The following TMEM167A variants were observed in gnomAD, a reference collection of about 807,000 sequenced individuals.
TMEM167A encodes the protein transmembrane protein 167A.
In TMEM167A, 8 loss-of-function variants were observed where a neutral mutation model predicts 11.6. The ratio of observed to expected loss-of-function variants is 0.69; its 90% CI spans 0.40 to 1.24. The LOEUF is 1.24. TMEM167A is among the 50% of genes most tolerant of loss of function. TMEM167A has a pLI of 0.01. For synonymous variants in TMEM167A, 22 were observed against 28.0 expected (o/e 0.79, Z 0.67); for missense variants, 62 against 87.0 (o/e 0.71, Z 1.14).
At chr5:83,074,933 G>A (rs981915032) in intron 1 of TMEM167A, among the ~76,000 whole-genome samples, 5 of 152,104 alleles carry the variant, frequency 3.3e-5, no homozygotes, top group Non-Finnish European at 7.4e-5. Flanking sequence ...ACCACGCCCG[G>A]CTAATTTTTT....
chr5:83,067,174 T>G (rs1288902930), intron 1 of TMEM167A, among the ~76,000 whole-genome samples: 1 of 152,054 alleles, frequency 6.6e-6, no homozygotes, highest in Non-Finnish European at 1.5e-5. Flanking sequence ...CAACAAGTTA[T>G]CTTTTAAACA....
chr5:83,061,940 A>T (rs1451618205), intron 2 of TMEM167A, 29 bp from the exon 3 acceptor site: 2 of 1,584,176 alleles, frequency 1.3e-6, no homozygotes, highest in Non-Finnish European at 1.7e-6. Flanking sequence ...GAAAAAAAGT[A>T]GCTATTGATT....
intron 3 of TMEM167A, among the ~76,000 whole-genome samples, chr5:83,060,786 G>A (rs1176148701): frequency 1.3e-5 from 2 of 150,828 alleles, no homozygotes; most frequent in Admixed American, 6.6e-5. Flanking sequence ...AGCGGAGATC[G>A]TGCCACTGCA....
At chr5:83,062,515 A>AT (rs1744420780) in intron 2 of TMEM167A, among the ~76,000 whole-genome samples, 1 of 152,122 alleles carries the variant, frequency 6.6e-6, no homozygotes, top group African/African-American at 2.4e-5. Flanking sequence ...TAAATATGGC[A>AT]TTTAAAGCAC....
At chr5:83,077,223 G>A in intron 1 of TMEM167A, 98 bp downstream of exon 1, 1 of 1,573,752 alleles carries the variant, frequency 6.4e-7, no homozygotes, top group Non-Finnish European at 8.7e-7. Flanking sequence ...TCAGCTCCGG[G>A]CCCACACACC....
intron 1 of TMEM167A, among the ~76,000 whole-genome samples, chr5:83,066,908 C>A (rs1441848489): frequency 6.6e-6 from 1 of 152,150 alleles, no homozygotes; most frequent in Non-Finnish European, 1.5e-5. Context: ...CTCCTTTTCA[C>A]CAGGTCTGTT....
chr5:83,065,181 G>C, intron 1 of TMEM167A, 64 bp from the exon 2 acceptor site: 1 of 1,014,640 alleles, frequency 9.9e-7, no homozygotes, highest in East Asian at 2.5e-5. Context: ...AAAAATGTTT[G>C]ACAATTCCAC....
Position 83,056,778 on chromosome 5 carries a change from T to G in TMEM167A, c.*306A>C. ...ACTTGAGTAATTAACCAATTTTGTT[T>G]TCTACTATGTGCCTTAGAGATACCT... On this transcript the variant is annotated 3_prime_UTR_variant, in exon 4 of 4. Coordinates refer to ENST00000502346, the MANE Select transcript of TMEM167A (RefSeq NM_174909.5). 1 of 321,118 alleles carries G rather than the reference T, an allele frequency of 3.1e-6. No individual in the cohort carries two copies. Among genetic ancestry groups the G allele is most frequent in the Non-Finnish European group, 5.7e-6 (1 of 174,828 alleles). The allele number at this position is 321,118 out of a possible 1,614,324, so 19.9% of individuals were successfully genotyped here.
rs1744280711 is a variant in TMEM167A, at chr5:83,053,019, T to C, written c.*4065A>G. 1.3e-5 allele frequency: 2 copies of C among 151,944 alleles called. No homozygotes were observed. Among genetic ancestry groups the C allele is most frequent in the South Asian group, 4.1e-4 (2 of 4,822 alleles). 9.4% of individuals were successfully genotyped at this position (151,944 alleles called of 1,614,324 possible). ...AGATTAGCTTAGGGCAAAGTAAAAGTCATGGAAGGCAGTGTATAAATAACA... is the reference window on the plus strand; with the variant it reads ...AGATTAGCTTAGGGCAAAGTAAAAGCCATGGAAGGCAGTGTATAAATAACA... On this transcript the variant is annotated 3_prime_UTR_variant, in exon 4 of 4. Transcript: ENST00000502346.
intron 1 of TMEM167A, 144 bp downstream of exon 1, chr5:83,077,177 G>C (rs192179987): frequency 1.7e-6 from 2 of 1,171,144 alleles, no homozygotes; most frequent in African/African-American, 3.0e-5. Flanking sequence ...ATTCTCTCTG[G>C]TTGGCCGTGG....
In TMEM167A at chr5:83,056,991, TA is replaced by T. The variant is rs1335248636; in HGVS notation, c.*92del. 9 of 1,121,958 alleles carry T rather than the reference TA, an allele frequency of 8.0e-6. No individual in the cohort carries two copies. The East Asian group carries it at 1.9e-4, about 24-fold the overall frequency. 69.5% of individuals were successfully genotyped at this position (1,121,958 alleles called of 1,614,324 possible). On this transcript the variant is annotated 3_prime_UTR_variant, in exon 4 of 4. Transcript: ENST00000502346. Reference sequence around the variant, plus strand: ...ATTTATCTCATTCAATGTTCGGAGATAAAAGAGTTAAACATCCTTTCCATTA... The same window carrying T: ...ATTTATCTCATTCAATGTTCGGAGATAAAGAGTTAAACATCCTTTCCATTA...
Position 83,077,333 on chromosome 5 carries a change from G to A in TMEM167A, c.-10C>T, listed in dbSNP as rs777556829. ...CCCCACTTCTTACCATAGCGAGGCC[G>A]GCGATGCCGCAGCCACATCACCCTT... On this transcript the variant is annotated 5_prime_UTR_variant, in exon 1 of 4. Coordinates refer to ENST00000502346, the MANE Select transcript of TMEM167A (RefSeq NM_174909.5). The A allele has an allele frequency of 3.7e-6, 6 of 1,614,122 alleles. No homozygotes were observed. Among genetic ancestry groups the A allele is most frequent in the Admixed American group, 1.7e-5 (1 of 59,998 alleles).
At chr5:83,071,613 C>T (rs1744561937) in intron 1 of TMEM167A, among the ~76,000 whole-genome samples, 1 of 152,056 alleles carries the variant, frequency 6.6e-6, no homozygotes, top group South Asian at 2.1e-4. Flanking sequence ...AAAAAAGTGA[C>T]CAGAATTGGT....
At chr5:83,074,256 C>T (rs114841991) in intron 1 of TMEM167A, among the ~76,000 whole-genome samples, 321 of 152,272 alleles carry the variant, frequency 2.1e-3, no homozygotes, top group African/African-American at 7.2e-3. Context: ...CCCATAACTG[C>T]CATTTCCTTT....
intron 1 of TMEM167A, among the ~76,000 whole-genome samples, chr5:83,067,420 T>C (rs1233360117): frequency 6.6e-6 from 1 of 152,152 alleles, no homozygotes; most frequent in Admixed American, 6.5e-5. Flanking sequence ...CAAAAGGGGA[T>C]CAAAGATTTC....
At position 83,070,770 on chromosome 5, in the gene TMEM167A, T is replaced by C. The variant is rs374402384; in HGVS notation, c.4-5653A>G. ...TTATTTATTAAGATGAAATTTCTCA[T>C]TTTCAGAGTCATTTCTGAACACTAA... On this transcript the variant is annotated intron_variant, in intron 1 of 3. Coordinates refer to ENST00000502346, the MANE Select transcript of TMEM167A (RefSeq NM_174909.5). Among the ~76,000 whole-genome samples the C allele has an allele frequency of 1.8e-4, 27 of 152,280 alleles. No individual in the cohort carries two copies. The East Asian group carries it at 4.6e-3, about 26-fold the overall frequency.
intron 1 of TMEM167A, among the ~76,000 whole-genome samples, chr5:83,069,706 C>T (rs899757804): frequency 2.0e-5 from 3 of 152,072 alleles, no homozygotes; most frequent in Non-Finnish European, 2.9e-5. Context: ...TTATAGAACA[C>T]ATCATACTGT....
chr5:83,058,210 C>T (rs975296058), intron 3 of TMEM167A, among the ~76,000 whole-genome samples: 2 of 152,010 alleles, frequency 1.3e-5, no homozygotes, highest in African/African-American at 2.4e-5. Context: ...CTAAAATTCT[C>T]AAGGTCATTT....
At chr5:83,065,993 G>A (rs1744475766) in intron 1 of TMEM167A, among the ~76,000 whole-genome samples, 1 of 151,914 alleles carries the variant, frequency 6.6e-6, no homozygotes, top group Non-Finnish European at 1.5e-5. Context: ...CTCTTTTCTA[G>A]TCTCATAGCA....
Sources: allele counts gnomAD v4.1 joint callset (sites outside exome capture counted in the v4.1 genomes callset), GRCh38; gene constraint gnomAD v4.1.1; transcripts MANE v1.5; gene names NCBI Gene and HGNC (gene_info 2026-07-23, HGNC 2026-07-21).